GRIP1: variants seen among roughly 807,000 people sequenced by gnomAD.
GRIP1 encodes the protein glutamate receptor interacting protein 1.
GRIP1 carries 45 observed loss-of-function variants against 129.9 expected under a neutral mutation model. That is an observed-to-expected ratio of 0.35 (90% CI 0.27 to 0.44). The LOEUF is 0.44. Ranked by LOEUF, GRIP1 falls within the 20% of genes least tolerant of loss-of-function variation. GRIP1 has a pLI of 1.00. For missense variants in GRIP1, 1,196 were observed against 1,396.8 expected (o/e 0.86, Z 2.29); for synonymous variants, 530 against 520.8 (o/e 1.02, Z -0.24).
intron 1 of GRIP1, among the ~76,000 whole-genome samples, chr12:66,775,363 G>C (rs1297060297): frequency 6.6e-6 from 1 of 152,128 alleles, no homozygotes; most frequent in African/African-American, 2.4e-5. Flanking sequence ...GTCATCAGTT[G>C]GCATCTTTGA....
chr12:66,857,406 A>G (rs568299006), intron 1 of GRIP1, among the ~76,000 whole-genome samples: 1 of 152,206 alleles, frequency 6.6e-6, no homozygotes, highest in Admixed American at 6.5e-5. Flanking sequence ...CATTAAAAAT[A>G]GTAATGATTA....
At chr12:66,643,258 A>T (rs1026935797) in intron 1 of GRIP1, among the ~76,000 whole-genome samples, 1 of 152,254 alleles carries the variant, frequency 6.6e-6, no homozygotes, top group Non-Finnish European at 1.5e-5. Flanking sequence ...TATTCCTAGA[A>T]ATGCATCCTA....
At chr12:66,628,212 G>A (rs752760348) in intron 1 of GRIP1, among the ~76,000 whole-genome samples, 3 of 152,132 alleles carry the variant, frequency 2.0e-5, no homozygotes, top group African/African-American at 7.2e-5. Context: ...AATAGATTGT[G>A]AGCTCACAGA....
At chr12:66,806,636 T>G (rs1001962488), upstream of GRIP1, among the ~76,000 whole-genome samples, 2 of 150,864 alleles carry the variant, frequency 1.3e-5, no homozygotes, top group Middle Eastern at 6.8e-3. Context: ...ACTTAAAACA[T>G]TTCACTAGAG....
chr12:66,379,117 C>G (rs2055970797), intron 20 of GRIP1, among the ~76,000 whole-genome samples, 163 bp downstream of exon 20: 1 of 152,332 alleles, frequency 6.6e-6, no homozygotes. Flanking sequence ...TGCCACTGGT[C>G]AGGCAGCTTT....
intron 1 of GRIP1, among the ~76,000 whole-genome samples, chr12:67,028,581 T>C (rs567949349): frequency 6.6e-6 from 1 of 152,290 alleles, no homozygotes; most frequent in African/African-American, 2.4e-5. Context: ...TTATGAATAG[T>C]TTTAAGAATG....
At chr12:67,055,230 A>C (rs184282309) in intron 1 of GRIP1, among the ~76,000 whole-genome samples, 1 of 152,330 alleles carries the variant, frequency 6.6e-6, no homozygotes, top group East Asian at 1.9e-4. Flanking sequence ...TGCTGGAAAT[A>C]ATCCAGTAGA....
At chr12:66,899,036 T>C (rs549967258) in intron 1 of GRIP1, among the ~76,000 whole-genome samples, 1 of 152,300 alleles carries the variant, frequency 6.6e-6, no homozygotes, top group East Asian at 1.9e-4. Flanking sequence ...TCAGGTTGTC[T>C]TGTTTTTCTG....
rs200805186 is a variant in GRIP1, at chr12:66,815,780, C to CA, written c.59-218854dup. ...CCCCGACTCAAACCAAACAAACAAA[C>CA]AAACAAAAAAAATGGGGAGTGGCTT... On this transcript the variant is annotated intron_variant, in intron 1 of 1. Coordinates refer to the GRIP1 transcript ENST00000643019. Among the ~76,000 whole-genome samples the CA allele has an allele frequency of 1.3e-3, 189 of 148,400 alleles. 6 individuals carry two copies. Among genetic ancestry groups the CA allele is most frequent in the South Asian group, 9.7e-3 (45 of 4,632 alleles).
At chr12:66,656,071 A>T (rs1357169204) in intron 1 of GRIP1, among the ~76,000 whole-genome samples, 7 of 151,992 alleles carry the variant, frequency 4.6e-5, no homozygotes, top group East Asian at 1.9e-4. Context: ...CTGAGTATAA[A>T]TTTTTTCTCC....
At chr12:66,768,864 T>G (rs1465921032) in intron 1 of GRIP1, among the ~76,000 whole-genome samples, 1 of 152,108 alleles carries the variant, frequency 6.6e-6, no homozygotes, top group African/African-American at 2.4e-5. Flanking sequence ...AAACAATTCT[T>G]GTACTCAGCC....
chr12:66,394,186 T>A, intron 17 of GRIP1, 22 bp downstream of exon 17: 1 of 1,608,736 alleles, frequency 6.2e-7, no homozygotes, highest in East Asian at 2.2e-5. Flanking sequence ...CAGGTAATTA[T>A]AACAGTTACT....
chr12:66,585,345 A>T (rs2063586894), intron 2 of GRIP1, among the ~76,000 whole-genome samples: 1 of 133,876 alleles, frequency 7.5e-6, no homozygotes, highest in Non-Finnish European at 1.6e-5. Flanking sequence ...GAGTGAGAAT[A>T]TGCGGTGTTT....
Position 66,937,614 on chromosome 12 carries a change from C to G in GRIP1, c.58+131436G>C, listed in dbSNP as rs757340708. Among the ~76,000 whole-genome samples, 88 of 152,024 alleles carry G rather than the reference C, an allele frequency of 5.8e-4. 2 individuals carry two copies. The highest frequency in any genetic ancestry group is 4.1e-4 in the Non-Finnish European group (28 of 68,016). ...GAAAGGGTGTGAGAATAGATGATAA[C>G]AGAATGCTATTCATCACAGTCAGAG... On this transcript the variant is annotated intron_variant, in intron 1 of 1. Coordinates refer to the GRIP1 transcript ENST00000643019.
intron 7 of GRIP1, among the ~76,000 whole-genome samples, chr12:66,478,098 A>T (rs1213424716): frequency 6.6e-6 from 1 of 152,240 alleles, no homozygotes; most frequent in Admixed American, 6.5e-5. Context: ...GGCAACCTAC[A>T]GAATAGGAGA....
intron 1 of GRIP1, among the ~76,000 whole-genome samples, chr12:66,698,286 A>C (rs894033019): frequency 3.3e-5 from 5 of 152,228 alleles, no homozygotes; most frequent in African/African-American, 1.2e-4. Flanking sequence ...GATCACAATT[A>C]ATTGTACTTA....
chr12:66,784,818 G>A (rs553902443), intron 1 of GRIP1, among the ~76,000 whole-genome samples: 10 of 152,132 alleles, frequency 6.6e-5, no homozygotes, highest in East Asian at 3.9e-4. Flanking sequence ...ATAAAGTCTC[G>A]TCTTGAACAG....
At chr12:67,009,955 A>G (rs1373223427) in intron 1 of GRIP1, among the ~76,000 whole-genome samples, 14 of 152,168 alleles carry the variant, frequency 9.2e-5, no homozygotes, top group Non-Finnish European at 2.1e-4. Flanking sequence ...ACATTTCCAC[A>G]TTAAGCTTTT....
intron 14 of GRIP1, among the ~76,000 whole-genome samples, chr12:66,424,834 T>C (rs2057928289): frequency 1.3e-5 from 2 of 152,214 alleles, no homozygotes; most frequent in African/African-American, 2.4e-5. Context: ...TCAAATCTTA[T>C]CAGGAATTCT....
Sources: gnomAD v4.1 joint callset for allele counts (sites outside exome capture counted in the v4.1 genomes callset) on GRCh38, gnomAD v4.1.1 for gene constraint, MANE v1.5 for transcripts, NCBI Gene and HGNC (gene_info 2026-07-23, HGNC 2026-07-21) for gene names.